The following MAGI2 variants were observed in gnomAD, a reference collection of about 807,000 sequenced individuals.
MAGI2 encodes membrane associated guanylate kinase, WW and PDZ domain containing 2.
In MAGI2, 35 loss-of-function variants were observed where a neutral mutation model predicts 133.3. The observed-to-expected ratio is 0.26, with a 90% CI of 0.20 to 0.35. The LOEUF is 0.35. MAGI2 is among the 10% of genes least tolerant of loss of function. The probability of loss-of-function intolerance (pLI) is 1.00; values close to 1 mark genes in which losing one functional copy is unlikely to be tolerated. For missense variants in MAGI2, 1,636 were observed against 1,863.4 expected, an observed-to-expected ratio of 0.88 and a Z score of 2.25; for synonymous variants, 729 against 710.6, an observed-to-expected ratio of 1.03 and a Z score of -0.41.
chr7:78,377,866 A>G (rs1338794474), intron 6 of MAGI2, among the ~76,000 whole-genome samples: 1 of 151,354 alleles, frequency 6.6e-6, no homozygotes, highest in Admixed American at 6.6e-5. Flanking sequence ...GAAAGTTACT[A>G]TAAGAAAATA....
chr7:78,799,912 T>TA (rs1257249767), intron 2 of MAGI2, among the ~76,000 whole-genome samples: 1 of 152,146 alleles, frequency 6.6e-6, no homozygotes, highest in Non-Finnish European at 1.5e-5. Context: ...ACGTCAGCTA[T>TA]AGTGATGGAA....
intron 6 of MAGI2, among the ~76,000 whole-genome samples, chr7:78,415,085 T>A (rs909109132): frequency 1.3e-5 from 2 of 152,120 alleles, no homozygotes; most frequent in African/African-American, 4.8e-5. Context: ...AATTTCTTAA[T>A]GCCTTTATTC....
rs1238462171 is a variant in MAGI2, at chr7:78,521,598, A to G, written c.586T>C (p.Leu196=). Residue 196 remains leucine (L), a synonymous_variant, in exon 4 of 22, where the codon TTG becomes CTG. Coordinates refer to ENST00000354212, the MANE Select transcript of MAGI2 (RefSeq NM_012301.4). ...AGTATCTGGTCTGTTACATTTAACA[A>G]TAATGGTGCTGGTTCTGCTGGCGGC... The part of the protein sequence containing the change: ...PKPPAEPAPL[L]LNVTDQILPG... 2 of 1,614,020 alleles carry G rather than the reference A, an allele frequency of 1.2e-6. No individual in the cohort carries two copies. The highest frequency in any genetic ancestry group is 1.3e-5 in the African/African-American group (1 of 74,912).
chr7:78,825,684 T>C (rs1790565943), intron 2 of MAGI2, among the ~76,000 whole-genome samples: 1 of 152,304 alleles, frequency 6.6e-6, no homozygotes, highest in South Asian at 2.1e-4. Flanking sequence ...TGTGGGAAAG[T>C]GAAAGTCTCC....
At chr7:78,943,398 A>G (rs191111330) in intron 2 of MAGI2, among the ~76,000 whole-genome samples, 12 of 152,274 alleles carry the variant, frequency 7.9e-5, no homozygotes, top group African/African-American at 2.9e-4. Flanking sequence ...GAATTTAAAG[A>G]TATAGAACAC....
At chr7:78,358,191 AAAAAAATATATATATAT>A (rs1356227739) in intron 7 of MAGI2, 2 of 39,458 alleles carry the variant, frequency 5.1e-5, no homozygotes, top group African/African-American at 1.3e-4. Flanking sequence ...AAAAAAAAAA[AAAAAAATATATATATAT>A]ATATATATAT....
chr7:78,695,626 G>A (rs1299922050), intron 2 of MAGI2, among the ~76,000 whole-genome samples: 1 of 152,134 alleles, frequency 6.6e-6, no homozygotes, highest in Non-Finnish European at 1.5e-5. Context: ...AGAGTTTAAT[G>A]TCTAACTTGT....
intron 1 of MAGI2, among the ~76,000 whole-genome samples, chr7:79,014,698 G>T (rs1808512322): frequency 6.6e-6 from 1 of 152,088 alleles, no homozygotes; most frequent in African/African-American, 2.4e-5. Context: ...GGATAGTTAT[G>T]AAGGAGTTTA....
chr7:78,444,231 T>C (rs948496472), intron 6 of MAGI2, among the ~76,000 whole-genome samples: 5 of 152,124 alleles, frequency 3.3e-5, no homozygotes, highest in Non-Finnish European at 7.4e-5. Context: ...TGGCTATATG[T>C]ATATGGCTTT....
intron 6 of MAGI2, among the ~76,000 whole-genome samples, chr7:78,488,787 A>T (rs1377681008): frequency 6.6e-6 from 1 of 152,082 alleles, no homozygotes; most frequent in Admixed American, 6.6e-5. Context: ...CAGTTACCTT[A>T]TAACATAGGA....
intron 2 of MAGI2, among the ~76,000 whole-genome samples, chr7:78,681,028 G>A (rs1217607203): frequency 6.6e-6 from 1 of 152,168 alleles, no homozygotes; most frequent in Non-Finnish European, 1.5e-5. Flanking sequence ...ATCCTGGACA[G>A]ACAAGTTCTT....
intron 9 of MAGI2, among the ~76,000 whole-genome samples, chr7:78,259,333 A>G (rs1793298955): frequency 6.6e-6 from 1 of 152,144 alleles, no homozygotes; most frequent in Admixed American, 6.6e-5. Context: ...TCTGAGTTCT[A>G]GTTTCATCAC....
intron 2 of MAGI2, among the ~76,000 whole-genome samples, chr7:78,939,144 C>T (rs1800772463): frequency 6.6e-6 from 1 of 152,116 alleles, no homozygotes; most frequent in South Asian, 2.1e-4. Flanking sequence ...CAGGCACCTG[C>T]CACCACGCCT....
At chr7:78,221,044 T>G (rs1430550976) in intron 10 of MAGI2, among the ~76,000 whole-genome samples, 1 of 152,228 alleles carries the variant, frequency 6.6e-6, no homozygotes, top group Non-Finnish European at 1.5e-5. Flanking sequence ...TGGCTCACTA[T>G]GCCATGTTGC....
chr7:78,464,748 T>A (rs1790440095), intron 6 of MAGI2, among the ~76,000 whole-genome samples: 1 of 150,714 alleles, frequency 6.6e-6, no homozygotes, highest in South Asian at 2.1e-4. Flanking sequence ...TTTTTTTTTT[T>A]ACAACAAATA....
chr7:79,442,102 C>T (rs1306276771), intron 1 of MAGI2, among the ~76,000 whole-genome samples: 4 of 152,130 alleles, frequency 2.6e-5, no homozygotes, highest in Non-Finnish European at 5.9e-5. Context: ...ATTATGTGGT[C>T]CACCAGCCAC....
chr7:79,417,477 TG>T (rs1846616096), intron 1 of MAGI2, among the ~76,000 whole-genome samples: 1 of 152,172 alleles, frequency 6.6e-6, no homozygotes, highest in Non-Finnish European at 1.5e-5. Flanking sequence ...CAGAGGAAGC[TG>T]TGAAGACCAA....
chr7:78,503,018 C>A (rs1794756481), intron 4 of MAGI2, among the ~76,000 whole-genome samples: 1 of 152,032 alleles, frequency 6.6e-6, no homozygotes, highest in South Asian at 2.1e-4. Flanking sequence ...TAAAAGGCAA[C>A]TTTAGCAGCT....
chr7:78,422,252 T>C (rs1050559019), intron 6 of MAGI2, among the ~76,000 whole-genome samples: 4 of 152,170 alleles, frequency 2.6e-5, no homozygotes, highest in African/African-American at 7.2e-5. Context: ...GGTACATGCG[T>C]ATTCTCATTT....
Sources: allele counts gnomAD v4.1 joint callset (sites outside exome capture counted in the v4.1 genomes callset), GRCh38; gene constraint gnomAD v4.1.1; transcripts MANE v1.5; gene names NCBI Gene and HGNC (gene_info 2026-07-23, HGNC 2026-07-21).